The following LYST variants were observed in gnomAD, a reference collection of about 807,000 sequenced individuals.
LYST encodes the protein lysosomal-trafficking regulator.
A neutral mutation model predicts 413.6 loss-of-function variants in LYST; 192 were observed. The ratio of observed to expected loss-of-function variants is 0.46; its 90% confidence interval spans 0.41 to 0.52. LYST has a LOEUF of 0.52. LYST is among the 20% of genes least tolerant of loss of function. The pLI is 0.00. For synonymous variants in LYST, 1,525 were observed against 1,567.3 expected (o/e 0.97, Z 0.64); for missense variants, 3,815 against 4,499.9 (o/e 0.85, Z 4.35).
At chr1:235,862,844 C>T (rs1269601255) in intron 1 of LYST, among the ~76,000 whole-genome samples, 1 of 147,108 alleles carries the variant, frequency 6.8e-6, no homozygotes, top group African/African-American at 2.6e-5. Context: ...CACACACACA[C>T]ACACCCCTTC....
At position 235,806,733 on chromosome 1, in the gene LYST, A is replaced by C; in HGVS notation, c.2403T>G (p.Ser801Arg). The C allele has an allele frequency of 1.9e-6, 3 of 1,613,264 alleles. No homozygotes were observed. The highest frequency in any genetic ancestry group is 2.5e-6 in the Non-Finnish European group (3 of 1,179,306). Residue 801 changes from serine (S) to arginine (R), a missense_variant, in exon 6 of 53, where the codon AGT becomes AGG. By Grantham distance (110) the Ser-to-Arg change is moderately radical. Around this residue, in one of 4 missense-constraint regions of LYST, gnomAD observed 1,648 missense variants for 1,810.3 expected, o/e 0.91. Coordinates refer to ENST00000389793, the MANE Select transcript of LYST (RefSeq NM_000081.4). ...RDLFLSCNGV[S>R]QIIELNCLNG... ...TTAAGCAATTTAATTCGATTATTTG[A>C]CTTACTCCATTACAACTCAAAAACA...
intron 42 of LYST, among the ~76,000 whole-genome samples, chr1:235,713,717 A>G (rs1437397570): frequency 6.6e-6 from 1 of 152,230 alleles, no homozygotes; most frequent in Non-Finnish European, 1.5e-5. Flanking sequence ...CGAATTATGC[A>G]GCTCGAAATG....
chr1:235,685,481 G>A (rs1270168142), intron 48 of LYST, among the ~76,000 whole-genome samples: 2 of 151,998 alleles, frequency 1.3e-5, no homozygotes, highest in African/African-American at 4.8e-5. Context: ...ACAAAATATG[G>A]TCACATTTAT....
chr1:235,788,988 C>A, intron 12 of LYST, 143 bp from the exon 13 acceptor site: 1 of 755,274 alleles, frequency 1.3e-6, no homozygotes. Context: ...CTGTTCTAAA[C>A]AACCATATTT....
At chr1:235,784,974 T>C (rs1670270496) in intron 14 of LYST, among the ~76,000 whole-genome samples, 1 of 152,250 alleles carries the variant, frequency 6.6e-6, no homozygotes, top group Non-Finnish European at 1.5e-5. Flanking sequence ...AACTGAACTC[T>C]TAATTTTACT....
chr1:235,729,114 T>C (rs1220150721), intron 37 of LYST, among the ~76,000 whole-genome samples: 1 of 152,224 alleles, frequency 6.6e-6, no homozygotes, highest in South Asian at 2.1e-4. Flanking sequence ...TTTTCCTTCA[T>C]ATTTTGAGAA....
intron 44 of LYST, among the ~76,000 whole-genome samples, chr1:235,706,458 C>G (rs1006386596): frequency 6.6e-6 from 1 of 152,162 alleles, no homozygotes; most frequent in African/African-American, 2.4e-5. Flanking sequence ...ACATTCCATT[C>G]CTCATCAAAC....
At chr1:235,870,871 A>G (rs572345842), upstream of LYST, among the ~76,000 whole-genome samples, 1 of 152,264 alleles carries the variant, frequency 6.6e-6, no homozygotes, top group Non-Finnish European at 1.5e-5. Context: ...TAAGTTGACC[A>G]TAATTTTGGA....
intron 3 of LYST, chr1:235,829,304 A>G (rs1192008447): frequency 6.6e-6 from 1 of 152,196 alleles, no homozygotes; most frequent in Non-Finnish European, 1.5e-5. Context: ...GTGAAAACAG[A>G]AGTACTGTTT....
intron 14 of LYST, among the ~76,000 whole-genome samples, chr1:235,783,952 T>C (rs1298230247): frequency 6.6e-6 from 1 of 151,872 alleles, no homozygotes; most frequent in Non-Finnish European, 1.5e-5. Context: ...CAATCATGGC[T>C]CACTGTAGCC....
At chr1:235,865,628 A>C (rs1391758976) in intron 1 of LYST, among the ~76,000 whole-genome samples, 2 of 152,222 alleles carry the variant, frequency 1.3e-5, no homozygotes, top group African/African-American at 4.8e-5. Context: ...ATGACAGCAA[A>C]GAGCTATCAG....
At chr1:235,752,922 C>T in intron 26 of LYST, 122 bp downstream of exon 26, 2 of 560,430 alleles carry the variant, frequency 3.6e-6, no homozygotes, top group South Asian at 2.6e-5. Flanking sequence ...ATTTTAGGTT[C>T]AGAGGTACAC....
At position 235,854,663 on chromosome 1, in the gene LYST, C is replaced by G. The variant is rs559472773; in HGVS notation, c.-98+12180G>C. Among the ~76,000 whole-genome samples the G allele has an allele frequency of 6.0e-4, 91 of 152,244 alleles. No homozygotes were observed. Among genetic ancestry groups the G allele is most frequent in the Non-Finnish European group, 1.1e-3 (76 of 68,020 alleles). On this transcript the variant is annotated intron_variant, in intron 1 of 52. Coordinates refer to ENST00000389793, the MANE Select transcript of LYST (RefSeq NM_000081.4). This position sits in a 1 kb window ranked among gnomAD's most constrained non-coding sequence, Gnocchi z 4.1. ...AGTTGTTGCGAATATCAACATTAAACGAGATAATTCATGTAAAATGCATAG... is the reference window on the plus strand; with the variant it reads ...AGTTGTTGCGAATATCAACATTAAAGGAGATAATTCATGTAAAATGCATAG...
intron 34 of LYST, among the ~76,000 whole-genome samples, chr1:235,732,053 A>G (rs1664428103): frequency 6.6e-6 from 1 of 152,118 alleles, no homozygotes; most frequent in African/African-American, 2.4e-5. Flanking sequence ...AAATACTGGT[A>G]GCGGTTGTTG....
chr1:235,746,988 A>G (rs1457183494), intron 28 of LYST, among the ~76,000 whole-genome samples: 5 of 152,230 alleles, frequency 3.3e-5, no homozygotes, highest in African/African-American at 9.6e-5. Flanking sequence ...GTATAGTGAC[A>G]AAGTAGAAAT....
chr1:235,693,962 T>C (rs926754484), intron 46 of LYST, among the ~76,000 whole-genome samples: 8 of 151,814 alleles, frequency 5.3e-5, no homozygotes, highest in African/African-American at 1.7e-4. Flanking sequence ...GGACTGTGTA[T>C]GGTAGACCTT....
chr1:235,692,367 T>C (rs1212705215), intron 47 of LYST, among the ~76,000 whole-genome samples: 1 of 150,624 alleles, frequency 6.6e-6, no homozygotes, highest in African/African-American at 2.4e-5. Flanking sequence ...CCAACCAACC[T>C]AGCTGCTATC....
At chr1:235,684,030 T>C (rs1660027482) in intron 48 of LYST, among the ~76,000 whole-genome samples, 2 of 152,220 alleles carry the variant, frequency 1.3e-5, no homozygotes, top group South Asian at 2.1e-4. Flanking sequence ...AAAAAAATCC[T>C]ATAAAAATTA....
In LYST at chr1:235,810,291, C is replaced by A. The variant is rs756923995; in HGVS notation, c.527G>T (p.Gly176Val). 3 of 1,614,108 alleles carry A rather than the reference C, an allele frequency of 1.9e-6. No individual in the cohort carries two copies. Among genetic ancestry groups the A allele is most frequent in the Admixed American group, 1.7e-5 (1 of 60,004 alleles). Residue 176 changes from glycine (G) to valine (V), a missense_variant, in exon 5 of 53, where the codon GGC (glycine) becomes GTC (valine). Coordinates refer to ENST00000389793, the MANE Select transcript of LYST (RefSeq NM_000081.4). ...CCTTCTATGCTTATTCATTGCTATG[C>A]CTTTTTCATCTGAATTGGCTTCTGA... ...SDSEANSDEK[G>V]IAMNKHRRPH... is the part of the protein sequence containing the mutation.
Sources: allele counts gnomAD v4.1 joint callset (sites outside exome capture counted in the v4.1 genomes callset), GRCh38; gene constraint gnomAD v4.1.1; regional missense constraint gnomAD v4.1.1; non-coding constraint Gnocchi (gnomAD v3.1); transcripts MANE v1.5; gene names NCBI Gene and HGNC (gene_info 2026-07-23, HGNC 2026-07-21).